Variants in NXPE2 observed in about 807,000 individuals in gnomAD.
NXPE2 encodes the protein neurexophilin and PC-esterase domain family member 2.
NXPE2 carries 34 observed loss-of-function variants against 34.4 expected under a neutral mutation model. The observed-to-expected ratio is 0.99, with a 90% CI of 0.75 to 1.31. The LOEUF (loss-of-function observed/expected upper bound fraction) is 1.31. NXPE2 is among the 40% of genes most tolerant of loss of function. NXPE2 has a pLI of 0.00. For missense variants in NXPE2, 649 were observed against 672.5 expected, an observed-to-expected ratio of 0.97 and a Z score of 0.39; for synonymous variants, 235 against 231.3, an observed-to-expected ratio of 1.02 and a Z score of -0.15.
the NXPE2 span, among the ~76,000 whole-genome samples, chr11:114,644,804 C>T: frequency 1.3e-5 from 2 of 151,282 alleles, no homozygotes; most frequent in Non-Finnish European, 2.9e-5. Flanking sequence ...ATAATGGAGC[C>T]CACCCTGCCA....
chr11:114,680,173 G>C (rs1009624309), intron 2 of NXPE2, among the ~76,000 whole-genome samples: 1 of 152,022 alleles, frequency 6.6e-6, no homozygotes, highest in Non-Finnish European at 1.5e-5. Context: ...CCCTTTGTAA[G>C]TTTTTCTTAA....
At chr11:114,495,967 G>C in the NXPE2 span, among the ~76,000 whole-genome samples, 2 of 152,110 alleles carry the variant, frequency 1.3e-5, no homozygotes. Context: ...AAGCTGCACT[G>C]CTTGGGGTTG....
chr11:114,732,866 G>A, the NXPE2 span, among the ~76,000 whole-genome samples: 1 of 151,938 alleles, frequency 6.6e-6, no homozygotes, highest in Non-Finnish European at 1.5e-5. Flanking sequence ...TGGGCTATCT[G>A]GCCCATCAAT....
the NXPE2 span, among the ~76,000 whole-genome samples, chr11:114,626,956 G>T: frequency 3.0e-4 from 46 of 151,912 alleles, no homozygotes; most frequent in South Asian, 5.0e-3. Flanking sequence ...AAGTGAGAAG[G>T]GAAGTTTAGA....
the NXPE2 span, among the ~76,000 whole-genome samples, chr11:114,477,514 G>T: frequency 6.6e-6 from 1 of 151,820 alleles, no homozygotes. Flanking sequence ...AAATGGTGGG[G>T]GTACAAAGAC....
the NXPE2 span, among the ~76,000 whole-genome samples, chr11:114,756,758 A>G: frequency 2.6e-5 from 4 of 152,186 alleles, no homozygotes; most frequent in Non-Finnish European, 4.4e-5. Context: ...TCTAGTTTCC[A>G]TATTCATAAA....
chr11:114,631,839 C>T, the NXPE2 span, among the ~76,000 whole-genome samples: 31 of 150,242 alleles, frequency 2.1e-4, no homozygotes, highest in Non-Finnish European at 2.2e-4. Flanking sequence ...CGATGTTACC[C>T]GGTGGATAAT....
chr11:114,641,486 A>T, the NXPE2 span, among the ~76,000 whole-genome samples: 1 of 152,054 alleles, frequency 6.6e-6, no homozygotes, highest in Non-Finnish European at 1.5e-5. Flanking sequence ...TTTATATCAA[A>T]CATTAGGGAA....
At chr11:114,708,443 C>T (rs1245980863), downstream of NXPE2, among the ~76,000 whole-genome samples, 3 of 151,984 alleles carry the variant, frequency 2.0e-5, no homozygotes, top group Non-Finnish European at 2.9e-5. Flanking sequence ...TACTCTAGGT[C>T]TCAAGAGTAG....
upstream of NXPE2, among the ~76,000 whole-genome samples, chr11:114,675,162 C>A (rs1038901491): frequency 1.3e-5 from 2 of 151,462 alleles, no homozygotes; most frequent in Non-Finnish European, 3.0e-5. Context: ...GGATTATACT[C>A]CAACACAATA....
At chr11:114,542,492 A>G in the NXPE2 span, among the ~76,000 whole-genome samples, 2 of 152,198 alleles carry the variant, frequency 1.3e-5, no homozygotes, top group Admixed American at 6.5e-5. Flanking sequence ...TTATGCTTAC[A>G]AGGAATAGAG....
chr11:114,751,925 G>A, the NXPE2 span, among the ~76,000 whole-genome samples: 1 of 152,220 alleles, frequency 6.6e-6, no homozygotes, highest in African/African-American at 2.4e-5. Context: ...CATGATGATG[G>A]CTTTGAAGAT....
At chr11:114,490,599 G>A in the NXPE2 span, among the ~76,000 whole-genome samples, 1 of 152,168 alleles carries the variant, frequency 6.6e-6, no homozygotes, top group Non-Finnish European at 1.5e-5. Flanking sequence ...CAAGCGATGG[G>A]GAAAGGATTC....
At chr11:114,735,375 A>G in the NXPE2 span, among the ~76,000 whole-genome samples, 1 of 152,030 alleles carries the variant, frequency 6.6e-6, no homozygotes, top group Admixed American at 6.5e-5. Context: ...CTTATATCTT[A>G]TCTAAGAATT....
the NXPE2 span, among the ~76,000 whole-genome samples, chr11:114,604,021 G>T: frequency 6.6e-6 from 1 of 151,812 alleles, no homozygotes; most frequent in African/African-American, 2.4e-5. Context: ...ACCATTACGT[G>T]GTGGATAACA....
At chr11:114,775,495 T>C in the NXPE2 span, among the ~76,000 whole-genome samples, 1 of 152,186 alleles carries the variant, frequency 6.6e-6, no homozygotes, top group African/African-American at 2.4e-5. Context: ...TGACCACTCA[T>C]CTCATTCCAT....
the NXPE2 span, among the ~76,000 whole-genome samples, chr11:114,805,000 A>G: frequency 6.6e-6 from 1 of 152,058 alleles, no homozygotes; most frequent in African/African-American, 2.4e-5. Context: ...GTATATTTCT[A>G]TCTTCTTCTT....
chr11:114,698,040 T>G lies in NXPE2; in HGVS notation c.133-5T>G. ...GATATTTTCTTTTCCCTTTCAATATTTCAGTTCTCGTTCAACTTGGAAAAC... is the reference window on the plus strand; with the variant it reads ...GATATTTTCTTTTCCCTTTCAATATGTCAGTTCTCGTTCAACTTGGAAAAC... On this transcript the variant is annotated splice_polypyrimidine_tract_variant and splice_region_variant and intron_variant, in intron 2 of 5. Coordinates refer to ENST00000389586, the MANE Select transcript of NXPE2 (RefSeq NM_182495.6). 1 of 1,478,602 alleles carries G rather than the reference T, an allele frequency of 6.8e-7. No individual in the cohort carries two copies. Among genetic ancestry groups the G allele is most frequent in the South Asian group, 1.4e-5 (1 of 71,060 alleles). The allele number at this position is 1,478,602 out of a possible 1,614,324, so 91.6% of individuals were successfully genotyped here.
chr11:114,711,334 C>T (rs1224559523), downstream of NXPE2, among the ~76,000 whole-genome samples: 1 of 152,002 alleles, frequency 6.6e-6, no homozygotes, highest in African/African-American at 2.4e-5. Context: ...GAAGTAAATT[C>T]TCTCTGTTCA....
Sources: allele counts gnomAD v4.1 joint callset (sites outside exome capture counted in the v4.1 genomes callset), GRCh38; gene constraint gnomAD v4.1.1; transcripts MANE v1.5; gene names NCBI Gene and HGNC (gene_info 2026-07-23, HGNC 2026-07-21).